GHR: variants seen among roughly 807,000 people sequenced by gnomAD.
The protein encoded by GHR is growth hormone receptor, also known as GH receptor.
In GHR, 35 loss-of-function variants were observed where a neutral mutation model predicts 67.1. That is an observed-to-expected ratio of 0.52 (90% CI 0.40 to 0.69). The LOEUF is 0.69. Ranked by LOEUF, GHR falls within the 30% of genes least tolerant of loss-of-function variation. The pLI is 0.00. For synonymous variants in GHR, 272 were observed against 269.1 expected (o/e 1.01, Z -0.10); for missense variants, 792 against 764.6 (o/e 1.04, Z -0.42).
At chr5:42,539,393 A>ATGGATGTGGTTTCCTG (rs1222998938) in intron 1 of GHR, among the ~76,000 whole-genome samples, 5 of 152,128 alleles carry the variant, frequency 3.3e-5, no homozygotes, top group Admixed American at 1.3e-4. Context: ...CTATTTTCCT[A>ATGGATGTGGTTTCCTG]TGGATGTGGT....
intron 1 of GHR, among the ~76,000 whole-genome samples, chr5:42,496,016 G>T (rs1334485264): frequency 1.3e-5 from 2 of 152,172 alleles, no homozygotes; most frequent in East Asian, 3.9e-4. Flanking sequence ...AGAAGGAGAA[G>T]AAGAAAATTA....
intron 1 of GHR, among the ~76,000 whole-genome samples, chr5:42,449,559 G>A (rs1458727376): frequency 6.6e-6 from 1 of 152,026 alleles, no homozygotes; most frequent in East Asian, 1.9e-4. Flanking sequence ...GATTTTCTAG[G>A]TATACAATCA....
intron 3 of GHR, among the ~76,000 whole-genome samples, chr5:42,640,254 A>G (rs1198095634): frequency 6.6e-6 from 1 of 152,090 alleles, no homozygotes; most frequent in Non-Finnish European, 1.5e-5. Context: ...GGAGCTGGGA[A>G]CCATGAGTTG....
intron 2 of GHR, among the ~76,000 whole-genome samples, chr5:42,581,279 C>T (rs1378476366): frequency 1.3e-5 from 2 of 152,228 alleles, no homozygotes; most frequent in African/African-American, 2.4e-5. Flanking sequence ...CTGGAACTTG[C>T]TTTTCCAACT....
chr5:42,508,785 A>G (rs529205144), intron 1 of GHR, among the ~76,000 whole-genome samples: 1 of 152,324 alleles, frequency 6.6e-6, no homozygotes, highest in Non-Finnish European at 1.5e-5. Context: ...TGTGTTGGCC[A>G]GGATGGTCTT....
At chr5:42,691,625 C>T (rs1386109958) in intron 4 of GHR, among the ~76,000 whole-genome samples, 3 of 152,232 alleles carry the variant, frequency 2.0e-5, no homozygotes, top group Non-Finnish European at 2.9e-5. Context: ...AGTCAGTGGG[C>T]AGTGCAGTTG....
intron 1 of GHR, among the ~76,000 whole-genome samples, chr5:42,537,857 G>A (rs910996345): frequency 1.3e-5 from 2 of 152,080 alleles, no homozygotes; most frequent in South Asian, 4.1e-4. Context: ...GCGCATATAT[G>A]TTTAGGATTG....
intron 1 of GHR, chr5:42,467,061 T>C: frequency 6.3e-7 from 1 of 1,578,034 alleles, no homozygotes; most frequent in Non-Finnish European, 8.7e-7. Flanking sequence ...AAGGTTTTTC[T>C]CCATTATGGA....
intron 3 of GHR, among the ~76,000 whole-genome samples, chr5:42,684,512 A>G (rs1373794507): frequency 6.6e-6 from 1 of 152,214 alleles, no homozygotes; most frequent in African/African-American, 2.4e-5. Flanking sequence ...CTAATAGTAA[A>G]AAGGAATATT....
rs149221831 is a variant in GHR at position 42,438,870 on chromosome 5, T to G, written c.-12+14915T>G. Among the ~76,000 whole-genome samples, 50 of 152,296 alleles carry G rather than the reference T, an allele frequency of 3.3e-4. 2 individuals carry two copies. Among genetic ancestry groups the G allele is most frequent in the African/African-American group, 1.2e-3 (48 of 41,576 alleles). On this transcript the variant is annotated intron_variant, in intron 1 of 9. Coordinates refer to ENST00000230882, the MANE Select transcript of GHR (RefSeq NM_000163.5). ...ATCAGCCAGAGCCACCCAGCTAAGG[T>G]GATTCTAGGCCCCTACTCCTAGAAA...
rs1388654847 is a variant in GHR, at chr5:42,670,876, A to ATATATAT, written c.137-18014_137-18013insTATATAT. The stretch of plus-strand genomic sequence containing the variant: ...AAAAAAGCAAAAATTAAAAAAAAAA[A>ATATATAT]AAAAATATATATATATATATAGGCA... On this transcript the variant is annotated intron_variant, in intron 3 of 9. Coordinates refer to ENST00000230882, the MANE Select transcript of GHR (RefSeq NM_000163.5). Among the ~76,000 whole-genome samples the ATATATAT allele has an allele frequency of 9.1e-4, 86 of 94,950 alleles. 1 individual carries two copies. Among genetic ancestry groups the ATATATAT allele is most frequent in the African/African-American group, 2.8e-3 (77 of 27,610 alleles). The allele number at this position is 94,950 out of a possible 152,430, so 62.3% of individuals were successfully genotyped here.
At chr5:42,536,499 C>A (rs753078211) in intron 1 of GHR, among the ~76,000 whole-genome samples, 14 of 151,932 alleles carry the variant, frequency 9.2e-5, no homozygotes, top group Non-Finnish European at 1.6e-4. Flanking sequence ...CATCTCTGTG[C>A]CCCTGGTATG....
At chr5:42,686,083 T>G (rs1198540283) in intron 3 of GHR, among the ~76,000 whole-genome samples, 1 of 152,204 alleles carries the variant, frequency 6.6e-6, no homozygotes, top group Non-Finnish European at 1.5e-5. Context: ...GGGTCTTACG[T>G]TTAAGTCTTT....
At chr5:42,547,092 T>C (rs1002641706) in intron 1 of GHR, among the ~76,000 whole-genome samples, 2 of 152,188 alleles carry the variant, frequency 1.3e-5, no homozygotes, top group Non-Finnish European at 2.9e-5. Context: ...CAATTCACAA[T>C]CAGCAAAATT....
At chr5:42,567,951 A>T (rs947893937) in intron 2 of GHR, among the ~76,000 whole-genome samples, 5 of 152,220 alleles carry the variant, frequency 3.3e-5, no homozygotes, top group African/African-American at 1.2e-4. Flanking sequence ...TTGTAGCCAA[A>T]TCATTTTATT....
chr5:42,473,099 G>C (rs762117964), intron 1 of GHR, among the ~76,000 whole-genome samples: 2 of 152,206 alleles, frequency 1.3e-5, no homozygotes, highest in Non-Finnish European at 2.9e-5. Flanking sequence ...GAAAGAATTT[G>C]TATTATAAGT....
chr5:42,460,399 A>G (rs917503076), intron 1 of GHR, among the ~76,000 whole-genome samples: 1 of 152,210 alleles, frequency 6.6e-6, no homozygotes, highest in Non-Finnish European at 1.5e-5. Flanking sequence ...CACTTTTACT[A>G]GCTAACACAT....
intron 1 of GHR, among the ~76,000 whole-genome samples, chr5:42,447,750 T>C (rs933784965): frequency 1.4e-5 from 2 of 145,316 alleles, no homozygotes; most frequent in Middle Eastern, 3.4e-3. Flanking sequence ...TTTCCTTTCT[T>C]TCTTTCTTTT....
chr5:42,707,284 A>G (rs4866948), intron 6 of GHR, among the ~76,000 whole-genome samples: 99,345 of 151,576 alleles, frequency 0.66, 33,695 homozygotes, highest in East Asian at 0.84. Context: ...CATATTTCTT[A>G]ACAAATTATT....
Sources: allele counts gnomAD v4.1 joint callset (sites outside exome capture counted in the v4.1 genomes callset), GRCh38; gene constraint gnomAD v4.1.1; transcripts MANE v1.5; gene names NCBI Gene and HGNC (gene_info 2026-07-23, HGNC 2026-07-21).